The following UBR1 variants were observed in gnomAD, a reference collection of about 807,000 sequenced individuals.
UBR1 encodes ubiquitin protein ligase E3 component n-recognin 1.
A neutral mutation model predicts 242.1 loss-of-function variants in UBR1; 102 were observed. The ratio of observed to expected loss-of-function variants is 0.42; its 90% CI spans 0.36 to 0.50. The LOEUF (loss-of-function observed/expected upper bound fraction) is 0.50, where lower values mean the gene tolerates loss of function less well. Ranked by LOEUF, UBR1 falls within the 20% of genes least tolerant of loss-of-function variation. The pLI, the probability that UBR1 is intolerant of heterozygous loss-of-function variation, is 0.01. For missense variants in UBR1, 1,772 were observed against 2,101.8 expected (o/e 0.84, Z 3.07); for synonymous variants, 675 against 684.8 (o/e 0.99, Z 0.22).
intron 1 of UBR1, among the ~76,000 whole-genome samples, chr15:43,097,318 C>T (rs1371412382): frequency 6.6e-6 from 1 of 152,106 alleles, no homozygotes; most frequent in Non-Finnish European, 1.5e-5. Flanking sequence ...TCCAGGCTTT[C>T]TAGTTCCATT....
chr15:43,061,730 T>G (rs1809211127), intron 6 of UBR1, among the ~76,000 whole-genome samples: 2 of 151,928 alleles, frequency 1.3e-5, no homozygotes, highest in Admixed American at 1.3e-4. Flanking sequence ...ACATTATATG[T>G]TCTCACTGAT....
Position 43,043,187 on chromosome 15 carries a change from T to C in UBR1, c.1849+28A>G, listed in dbSNP as rs370909112. On this transcript the variant is annotated intron_variant, in intron 15 of 46. Transcript: ENST00000290650. The stretch of plus-strand genomic sequence containing the variant: ...TACCTAGAAAGAAAGCTAATAGGTA[T>C]ATGCAAAAAGAAAAAACAAACACTC... The C allele has an allele frequency of 1.9e-5, 31 of 1,612,658 alleles. No homozygotes were observed. In the Admixed American group the frequency reaches 4.8e-4, roughly 25 times the overall value.
rs1001503560 is a variant in UBR1, at chr15:42,991,495, A to T, written c.3758-1375T>A. On this transcript the variant is annotated intron_variant, in intron 33 of 46. Coordinates refer to ENST00000290650, the MANE Select transcript of UBR1 (RefSeq NM_174916.3). Reference sequence around the variant, plus strand: ...TTTACTGAACTTCTTGAATCTGCAAATTTGTCTTTCACCAAATTTGGGAAA... The same window carrying T: ...TTTACTGAACTTCTTGAATCTGCAATTTTGTCTTTCACCAAATTTGGGAAA... 4.6e-5 allele frequency among the ~76,000 whole-genome samples: 7 copies of T among 151,984 alleles called. No homozygotes were observed. The South Asian group carries it at 1.2e-3, about 27-fold the overall frequency.
At chr15:43,033,428 A>C (rs1415368825) in intron 19 of UBR1, among the ~76,000 whole-genome samples, 2 of 151,420 alleles carry the variant, frequency 1.3e-5, no homozygotes, top group Non-Finnish European at 3.0e-5. Context: ...TGTGGATCAC[A>C]AGGTCAGGAG....
intron 27 of UBR1, among the ~76,000 whole-genome samples, chr15:43,020,442 A>T (rs2033094747): frequency 6.6e-6 from 1 of 152,188 alleles, no homozygotes; most frequent in Non-Finnish European, 1.5e-5. Flanking sequence ...ATCAGTTCAG[A>T]TTCTTACTAT....
At chr15:43,068,611 T>C (rs139971711) in intron 5 of UBR1, among the ~76,000 whole-genome samples, 50 of 152,002 alleles carry the variant, frequency 3.3e-4, no homozygotes, top group African/African-American at 1.2e-3. Flanking sequence ...AGTGACCGTA[T>C]GTTTTTGGGT....
chr15:43,006,698 C>T (rs1047493760), intron 30 of UBR1, among the ~76,000 whole-genome samples: 9 of 152,104 alleles, frequency 5.9e-5, no homozygotes, highest in African/African-American at 2.2e-4. Context: ...CAGGAGGCAA[C>T]TTAACAATCA....
intron 12 of UBR1, among the ~76,000 whole-genome samples, chr15:43,051,952 ACC>A (rs1394103985): frequency 6.6e-6 from 1 of 152,224 alleles, no homozygotes; most frequent in Non-Finnish European, 1.5e-5. Flanking sequence ...CCTCAATAGC[ACC>A]AAGGTTCAAC....
In UBR1 at chr15:42,945,196, T is replaced by C. The variant is rs1461389139; in HGVS notation, c.*133A>G. 5.9e-6 allele frequency: 7 copies of C among 1,188,726 alleles called. No homozygotes were observed. The highest frequency in any genetic ancestry group is 8.5e-6 in the Non-Finnish European group (7 of 823,202). 73.6% of individuals were successfully genotyped at this position (1,188,726 alleles called of 1,614,324 possible). A position where few individuals can be genotyped will look rare whatever the true frequency, so the allele number is the denominator to read the frequency against. On this transcript the variant is annotated 3_prime_UTR_variant, in exon 47 of 47. Transcript: ENST00000290650. ...CAATACTCCATTAAGAAATATTTTA[T>C]TGATGTAAGTGAACCTGGACATGGA...
Position 43,068,987 on chromosome 15 carries a change from T to C in UBR1, c.660-951A>G, listed in dbSNP as rs183528710. Reference sequence around the variant, plus strand: ...AAGCAAGCAATGATAAATAAACAGATTTTATTAACAATTAGTTGTTATTGA... The same window carrying C: ...AAGCAAGCAATGATAAATAAACAGACTTTATTAACAATTAGTTGTTATTGA... On this transcript the variant is annotated intron_variant, in intron 5 of 46. Coordinates refer to ENST00000290650, the MANE Select transcript of UBR1 (RefSeq NM_174916.3). Among the ~76,000 whole-genome samples the C allele has an allele frequency of 4.6e-5, 7 of 152,336 alleles. No individual in the cohort carries two copies. In the East Asian group the frequency reaches 1.2e-3, roughly 25 times the overall value.
intron 20 of UBR1, among the ~76,000 whole-genome samples, chr15:43,031,908 C>T (rs896091140): frequency 6.6e-5 from 10 of 152,130 alleles, no homozygotes; most frequent in Non-Finnish European, 1.3e-4. Flanking sequence ...GTGGCGCACA[C>T]CTGTGGTCCC....
Position 42,983,988 on chromosome 15 carries a change from A to AT in UBR1, c.4058dup (p.Asn1353LysfsTer36). Reference sequence around the variant, plus strand: ...CAAACTGCATTAATGCTTTCAGACCATTATGCTAGATTGTAAGAGAGAAGG... The same window carrying AT: ...CAAACTGCATTAATGCTTTCAGACCATTTATGCTAGATTGTAAGAGAGAAGG... On this transcript the variant is annotated frameshift_variant, in exon 37 of 47. Transcript: ENST00000290650. LOFTEE classifies it high-confidence loss of function. 2 of 1,610,638 alleles carry AT rather than the reference A, an allele frequency of 1.2e-6. No homozygotes were observed. Among genetic ancestry groups the AT allele is most frequent in the Non-Finnish European group, 1.7e-6 (2 of 1,177,322 alleles).
chr15:42,966,171 G>A lies in UBR1; in HGVS notation c.4573C>T (p.Pro1525Ser). The A allele has an allele frequency of 2.5e-6, 4 of 1,614,060 alleles. No individual in the cohort carries two copies. The highest frequency in any genetic ancestry group is 3.3e-5 in the Admixed American group (2 of 60,014). Reference sequence around the variant, plus strand: ...TACTTACTGGTATGCAGTTCCTCAGGCGGAGTTACCCCAAGTAAATAGTGG... The same window carrying A: ...TACTTACTGGTATGCAGTTCCTCAGACGGAGTTACCCCAAGTAAATAGTGG... ...FFHYLLGVTP[P>S]EELHTNSAEG... Residue 1525 changes from proline to serine, a missense_variant, in exon 41 of 47, where the codon CCT becomes TCT. Coordinates refer to ENST00000290650, the MANE Select transcript of UBR1 (RefSeq NM_174916.3).
chr15:42,944,865 T>C lies in UBR1; in HGVS notation c.*464A>G, dbSNP rs1046736259. The C allele has an allele frequency of 5.4e-6, 1 of 185,446 alleles. No individual in the cohort carries two copies. Among genetic ancestry groups the C allele is most frequent in the African/African-American group, 2.4e-5 (1 of 41,830 alleles). The allele number at this position is 185,446 out of a possible 1,614,324, so 11.5% of individuals were successfully genotyped here. A position where few individuals can be genotyped will look rare whatever the true frequency, so the allele number is the denominator to read the frequency against. Reference sequence around the variant, plus strand: ...ATTTTTGGAATCTTTCCCAAGTATATTGCATGGTTTCTGCAATTCTTCTTT... The same window carrying C: ...ATTTTTGGAATCTTTCCCAAGTATACTGCATGGTTTCTGCAATTCTTCTTT... On this transcript the variant is annotated 3_prime_UTR_variant, in exon 47 of 47. Coordinates refer to ENST00000290650, the MANE Select transcript of UBR1 (RefSeq NM_174916.3).
intron 46 of UBR1, among the ~76,000 whole-genome samples, chr15:42,949,520 C>T (rs888714235): frequency 1.2e-4 from 19 of 152,030 alleles, no homozygotes; most frequent in Admixed American, 2.0e-4. Context: ...AGCTCTCAGC[C>T]GGGCATGGTG....
At chr15:42,950,705 C>G in intron 45 of UBR1, 1 of 320,446 alleles carries the variant, frequency 3.1e-6, no homozygotes, top group Non-Finnish European at 5.9e-6. Context: ...CTGACACAAC[C>G]TGGAGAGGGG....
At chr15:43,003,794 T>C (rs998193898) in intron 31 of UBR1, 43 bp downstream of exon 31, 2 of 1,591,758 alleles carry the variant, frequency 1.3e-6, no homozygotes, top group African/African-American at 2.7e-5. Flanking sequence ...TGAACTTCAA[T>C]GTTCCTAGTC....
intron 43 of UBR1, among the ~76,000 whole-genome samples, chr15:42,959,507 T>C (rs1159960007): frequency 1.3e-5 from 2 of 152,236 alleles, no homozygotes; most frequent in African/African-American, 2.4e-5. Flanking sequence ...TTAAGTTTTA[T>C]GTTCATAACT....
intron 1 of UBR1, among the ~76,000 whole-genome samples, chr15:43,094,272 A>G (rs1322823861): frequency 2.6e-5 from 4 of 152,102 alleles, no homozygotes; most frequent in African/African-American, 9.7e-5. Flanking sequence ...TCTACTAAAA[A>G]TACAAAAAAA....
Sources: allele counts gnomAD v4.1 joint callset (sites outside exome capture counted in the v4.1 genomes callset), GRCh38; gene constraint gnomAD v4.1.1; transcripts MANE v1.5; gene names NCBI Gene and HGNC (gene_info 2026-07-23, HGNC 2026-07-21).